EFCAB6: variants seen among roughly 807,000 people sequenced by gnomAD.
EFCAB6 encodes the protein EF-hand calcium-binding domain-containing protein 6.
EFCAB6 carries 156 observed loss-of-function variants against 169.8 expected under a neutral mutation model. The observed-to-expected ratio is 0.92, with a 90% CI of 0.81 to 1.05. EFCAB6 has a LOEUF of 1.05. EFCAB6 is among the 50% of genes least tolerant of loss of function. The probability of loss-of-function intolerance (pLI) is 0.00; values close to 1 mark genes in which losing one functional copy is unlikely to be tolerated. For missense variants in EFCAB6, 1,800 were observed against 1,829.1 expected (o/e 0.98, Z 0.29); for synonymous variants, 698 against 676.4 (o/e 1.03, Z -0.50).
intron 21 of EFCAB6, among the ~76,000 whole-genome samples, chr22:43,615,219 T>C (rs769080041): frequency 2.3e-4 from 35 of 152,214 alleles, no homozygotes; most frequent in Non-Finnish European, 8.8e-5. Flanking sequence ...AAAGTGGTGA[T>C]CTCCAGCCTA....
intron 21 of EFCAB6, 148 bp from the exon 22 acceptor site, chr22:43,608,748 A>G (rs2053099074): frequency 1.4e-6 from 1 of 715,552 alleles, no homozygotes; most frequent in African/African-American, 1.8e-5. Flanking sequence ...CGTTCCAGGT[A>G]TCCTCATCAT....
intron 24 of EFCAB6, among the ~76,000 whole-genome samples, chr22:43,580,873 G>T (rs2050677373): frequency 6.6e-6 from 1 of 152,208 alleles, no homozygotes; most frequent in Admixed American, 6.5e-5. Flanking sequence ...GATGAGAGGT[G>T]AGAGTGCAGT....
At chr22:43,669,665 AT>A (rs1323297742) in intron 15 of EFCAB6, among the ~76,000 whole-genome samples, 1 of 152,186 alleles carries the variant, frequency 6.6e-6, no homozygotes, top group African/African-American at 2.4e-5. Flanking sequence ...GGTTTTATGG[AT>A]ATTGACATAT....
At chr22:43,633,500 A>T (rs2055137511) in intron 18 of EFCAB6, among the ~76,000 whole-genome samples, 1 of 152,222 alleles carries the variant, frequency 6.6e-6, no homozygotes, top group South Asian at 2.1e-4. Context: ...GTGAGCTGAG[A>T]TCATGCCACT....
chr22:43,668,144 G>T (rs1417984511), intron 16 of EFCAB6, among the ~76,000 whole-genome samples: 1 of 152,090 alleles, frequency 6.6e-6, no homozygotes, highest in Non-Finnish European at 1.5e-5. Context: ...AAAAGCCCAG[G>T]TATTCAAATT....
At chr22:43,624,671 C>T (rs1480885345) in intron 20 of EFCAB6, among the ~76,000 whole-genome samples, 2 of 152,202 alleles carry the variant, frequency 1.3e-5, no homozygotes, top group Non-Finnish European at 2.9e-5. Flanking sequence ...TCCCTCTGTT[C>T]CTGTGGCACT....
chr22:43,598,313 A>AAC lies in EFCAB6; in HGVS notation c.2876+1755_2876+1756insGT, dbSNP rs1470534736. ...TGAAAGTGAGACACTGTCTCCGGGAAAAAAAAAAAAAAAAAAAAAAAAAAA... is the reference window on the plus strand; with the variant it reads ...TGAAAGTGAGACACTGTCTCCGGGAAACAAAAAAAAAAAAAAAAAAAAAAAAA... On this transcript the variant is annotated intron_variant, in intron 23 of 31. Transcript: ENST00000262726. Among the ~76,000 whole-genome samples the AAC allele has an allele frequency of 8.3e-5, 12 of 143,782 alleles. 1 individual carries two copies. The highest frequency in any genetic ancestry group is 2.6e-4 in the African/African-American group (10 of 38,648). The allele number at this position is 143,782 out of a possible 152,430, so 94.3% of individuals were successfully genotyped here. A position where few individuals can be genotyped will look rare whatever the true frequency, so the allele number is the denominator to read the frequency against.
Position 43,590,088 on chromosome 22 carries a change from G to C in EFCAB6, c.3018C>G (p.Thr1006=). 6.2e-7 allele frequency: 1 copy of C among 1,613,776 alleles called. No individual in the cohort carries two copies. The highest frequency in any genetic ancestry group is 1.1e-5 in the South Asian group (1 of 90,968). The part of the protein sequence containing the change: ...CGCSLTEGEL[T]HLLNSWGVSR... ...TCCAAAAAGACCTGTTTAGCAGATGGGTCAGCTCCCCTTCGGTAAGAGAAC... is the reference window on the plus strand; with the variant it reads ...TCCAAAAAGACCTGTTTAGCAGATGCGTCAGCTCCCCTTCGGTAAGAGAAC... The change falls in exon 24 of 32, where the codon ACC becomes ACG. Residue 1006 remains threonine (T), a synonymous_variant. Coordinates refer to ENST00000262726, the MANE Select transcript of EFCAB6 (RefSeq NM_022785.4).
At chr22:43,670,868 A>G (rs1034910895) in intron 15 of EFCAB6, among the ~76,000 whole-genome samples, 2 of 152,234 alleles carry the variant, frequency 1.3e-5, no homozygotes, top group Non-Finnish European at 2.9e-5. Flanking sequence ...TGAGACCAGC[A>G]GCAGCAGCAG....
At chr22:43,575,534 C>T (rs1480289571) in intron 26 of EFCAB6, among the ~76,000 whole-genome samples, 1 of 151,530 alleles carries the variant, frequency 6.6e-6, no homozygotes, top group Non-Finnish European at 1.5e-5. Flanking sequence ...CAACTAAAGC[C>T]AACATATTAA....
chr22:43,653,302 G>A (rs967510701), intron 17 of EFCAB6, among the ~76,000 whole-genome samples: 1 of 152,012 alleles, frequency 6.6e-6, no homozygotes, highest in Non-Finnish European at 1.5e-5. Flanking sequence ...CAAAGACAGA[G>A]GAAAATCTTA....
At chr22:43,791,777 A>C (rs2062301385) in intron 2 of EFCAB6, among the ~76,000 whole-genome samples, 2 of 152,172 alleles carry the variant, frequency 1.3e-5, no homozygotes, top group Non-Finnish European at 2.9e-5. Flanking sequence ...TAGAGACAGC[A>C]GTTTCAAAGA....
At chr22:43,585,309 C>A (rs1229744351) in intron 24 of EFCAB6, among the ~76,000 whole-genome samples, 1 of 151,266 alleles carries the variant, frequency 6.6e-6, no homozygotes, top group African/African-American at 2.4e-5. Context: ...AAAAAAAAGC[C>A]ACTGCAACAG....
At position 43,530,819 on chromosome 22, in the gene EFCAB6, C is replaced by G. The variant is rs764872032; in HGVS notation, c.4379G>C (p.Arg1460Thr). The change falls in exon 31 of 32, where the codon AGG becomes ACG. Residue 1460 changes from arginine (R) to threonine (T), a missense_variant. Transcript: ENST00000262726. ...GTGLLSVADF[R>T]TVLRQYSINL... ...TGGGCGCAGAGCTGTGCTCACCGTC[C>G]TGAAATCTGCGACGCTTAGCAGCCC... 2 of 1,613,688 alleles carry G rather than the reference C, an allele frequency of 1.2e-6. No homozygotes were observed. The highest frequency in any genetic ancestry group is 2.2e-5 in the South Asian group (2 of 91,052).
chr22:43,544,096 C>A (rs139578824), intron 27 of EFCAB6, among the ~76,000 whole-genome samples: 227 of 152,172 alleles, frequency 1.5e-3, no homozygotes, highest in African/African-American at 5.2e-3. Flanking sequence ...CCAGCCTCCC[C>A]CTGAGCTTAC....
intron 21 of EFCAB6, among the ~76,000 whole-genome samples, chr22:43,612,235 C>T (rs2053364323): frequency 6.6e-6 from 1 of 152,152 alleles, no homozygotes; most frequent in Non-Finnish European, 1.5e-5. Context: ...TGGAAGACAA[C>T]CTAAGCAATA....
rs149362777 is a variant in EFCAB6 at position 43,675,812 on chromosome 22, T to G, written c.1419+2184A>C. On this transcript the variant is annotated intron_variant, in intron 13 of 31. Coordinates refer to ENST00000262726, the MANE Select transcript of EFCAB6 (RefSeq NM_022785.4). ...TATTATAATATAATATAACTCTATA[T>G]ACAATATGTCTGGATATATATATAT... is the stretch of plus-strand genomic sequence containing the variant. Among the ~76,000 whole-genome samples the G allele has an allele frequency of 5.2e-3, 779 of 149,886 alleles. 15 individuals carry two copies. The highest frequency in any genetic ancestry group is 0.018 in the African/African-American group (753 of 41,084).
chr22:43,633,227 T>C (rs1434370037), intron 18 of EFCAB6, among the ~76,000 whole-genome samples: 1 of 152,166 alleles, frequency 6.6e-6, no homozygotes, highest in Non-Finnish European at 1.5e-5. Context: ...TCCCCTAAAA[T>C]TAAGGAAGGA....
chr22:43,674,122 A>G (rs1452410737), intron 13 of EFCAB6, among the ~76,000 whole-genome samples: 1 of 152,344 alleles, frequency 6.6e-6, no homozygotes, highest in African/African-American at 2.4e-5. Flanking sequence ...TTTAAAAAAC[A>G]GAAGTATGGG....
Sources: allele counts gnomAD v4.1 joint callset (sites outside exome capture counted in the v4.1 genomes callset), GRCh38; gene constraint gnomAD v4.1.1; transcripts MANE v1.5; gene names NCBI Gene and HGNC (gene_info 2026-07-23, HGNC 2026-07-21).